POLR2L: variants seen among roughly 807,000 people sequenced by gnomAD.
POLR2L encodes RNA polymerase II, I and III subunit L.
POLR2L carries 7 observed loss-of-function variants against 6.8 expected under a neutral mutation model. The ratio of observed to expected loss-of-function variants is 1.03; its 90% CI spans 0.59 to 1.94. The LOEUF is 1.94. Among genes scored for constraint, POLR2L ranks in the 30% most tolerant of loss-of-function variants. The pLI, the probability that POLR2L is intolerant of heterozygous loss-of-function variation, is 0.00. For synonymous variants in POLR2L, 59 were observed against 39.8 expected (o/e 1.48, Z -1.82); for missense variants, 93 against 86.7 (o/e 1.07, Z -0.29).
At chr11:841,806 G>T (rs1422500150) in intron 1 of POLR2L, among the ~76,000 whole-genome samples, 3 of 152,194 alleles carry the variant, frequency 2.0e-5, no homozygotes, top group Admixed American at 2.0e-4. Flanking sequence ...GGCTGAGACA[G>T]GAGAATTGCT....
At chr11:842,529 TGCCCG>T (rs569042241), upstream of POLR2L, 10 of 1,552,350 alleles carry the variant, frequency 6.4e-6, no homozygotes, top group Admixed American at 3.8e-5. Context: ...CGTCCCAGAC[TGCCCG>T]GCCCGGCCCG....
chr11:840,602 A>G (rs1846939520), intron 1 of POLR2L, 122 bp from the exon 2 acceptor site: 3 of 676,444 alleles, frequency 4.4e-6, no homozygotes, highest in Non-Finnish European at 7.8e-6. Flanking sequence ...CGGCAAGGCG[A>G]ACAGATTCAC....
rs374045139 is a variant in POLR2L at position 842,434 on chromosome 11, C to A, written c.75G>T (p.Leu25=). 1.3e-6 allele frequency: 2 copies of A among 1,593,882 alleles called. No homozygotes were observed. The highest frequency in any genetic ancestry group is 2.4e-5 in the East Asian group (1 of 42,468). ...CTCACCCCTCGGTGTACTCGGCCTGCAGCAGCCCCAGGTAAGCCTCCCACT... is the reference window on the plus strand; with the variant it reads ...CTCACCCCTCGGTGTACTCGGCCTGAAGCAGCCCCAGGTAAGCCTCCCACT... ...GNKWEAYLGL[L]QAEYTEGDAL... Residue 25 remains leucine, a synonymous_variant, in exon 1 of 2, where the codon CTG becomes CTT. Transcript: ENST00000322028.
At chr11:842,288 A>C (rs996774701) in intron 1 of POLR2L, 126 bp downstream of exon 1, 1 of 546,764 alleles carries the variant, frequency 1.8e-6, no homozygotes, top group African/African-American at 2.0e-5. Context: ...GAAGCTGCTC[A>C]TGGGGCGCTG....
chr11:840,600 C>G lies in POLR2L; in HGVS notation c.96-120G>C, dbSNP rs901069748. The G allele has an allele frequency of 1.3e-5, 9 of 677,962 alleles. No individual in the cohort carries two copies. In the East Asian group the frequency reaches 2.2e-4, roughly 17 times the overall value. The allele number at this position is 677,962 out of a possible 1,614,324, so 42.0% of individuals were successfully genotyped here. A position where few individuals can be genotyped will look rare whatever the true frequency, so the allele number is the denominator to read the frequency against. On this transcript the variant is annotated intron_variant, in intron 1 of 1. Transcript: ENST00000322028. The stretch of plus-strand genomic sequence containing the variant: ...CTCACCCCCCCCGCCACCGGCAAGG[C>G]GAACAGATTCACCCGGCTCAGAAGC...
chr11:841,899 A>G lies in POLR2L; in HGVS notation c.95+515T>C, dbSNP rs555919729. ...GGGCGACGGAGCGAGACTCCGTCTC[A>G]AAAAAGAAAAATAAAATAAAATAAA... is the stretch of plus-strand genomic sequence containing the variant. On this transcript the variant is annotated intron_variant, in intron 1 of 1. Coordinates refer to ENST00000322028, the MANE Select transcript of POLR2L (RefSeq NM_021128.5). Among the ~76,000 whole-genome samples, 11 of 152,310 alleles carry G rather than the reference A, an allele frequency of 7.2e-5. No individual in the cohort carries two copies. The South Asian group carries it at 2.3e-3, about 32-fold the overall frequency.
At chr11:842,243 G>A (rs760623795) in intron 1 of POLR2L, among the ~76,000 whole-genome samples, 171 bp downstream of exon 1, 22 of 152,250 alleles carry the variant, frequency 1.4e-4, no homozygotes, top group Non-Finnish European at 1.0e-4. Context: ...TCTCCCGAAA[G>A]CAGATCACAG....
At chr11:841,336 G>A (rs1846960160) in intron 1 of POLR2L, among the ~76,000 whole-genome samples, 1 of 152,212 alleles carries the variant, frequency 6.6e-6, no homozygotes, top group African/African-American at 2.4e-5. Flanking sequence ...CTCAGGCACC[G>A]TGGTGACAGC....
rs1262623964 is a variant in POLR2L, at chr11:840,259, C to T, written c.*113G>A. 5.7e-6 allele frequency: 4 copies of T among 698,598 alleles called. No homozygotes were observed. Among genetic ancestry groups the T allele is most frequent in the Admixed American group, 2.2e-5 (1 of 45,398 alleles). The allele number at this position is 698,598 out of a possible 1,614,324, so 43.3% of individuals were successfully genotyped here. On this transcript the variant is annotated 3_prime_UTR_variant, in exon 2 of 2. Transcript: ENST00000322028. ...CTTCCAGAGTGGGGTATCGGATACACACACACTGCGGCCAGGCATTACGCC... is the reference window on the plus strand; with the variant it reads ...CTTCCAGAGTGGGGTATCGGATACATACACACTGCGGCCAGGCATTACGCC...
rs1479425135 is a variant in POLR2L, at chr11:842,523, C to T, written c.-15G>A. On this transcript the variant is annotated 5_prime_UTR_variant, in exon 1 of 2. Coordinates refer to ENST00000322028, the MANE Select transcript of POLR2L (RefSeq NM_021128.5). ...GGGATGATCATGGCGGCGGCGCGTC[C>T]CAGACTGCCCGGCCCGGCCCGGCCG... The T allele has an allele frequency of 1.9e-6, 3 of 1,564,570 alleles. No homozygotes were observed. Among genetic ancestry groups the T allele is most frequent in the Admixed American group, 3.7e-5 (2 of 54,138 alleles).
intron 1 of POLR2L, among the ~76,000 whole-genome samples, chr11:842,094 G>A (rs541016863): frequency 1.5e-5 from 2 of 129,672 alleles, no homozygotes; most frequent in South Asian, 3.0e-4. Context: ...TGGGGGCAGA[G>A]ATGGGAATAG....
Position 842,428 on chromosome 11 carries a change from G to A in POLR2L, c.81C>T (p.Ala27=). The A allele has an allele frequency of 1.3e-6, 2 of 1,589,674 alleles. No homozygotes were observed. The highest frequency in any genetic ancestry group is 1.7e-6 in the Non-Finnish European group (2 of 1,170,382). Residue 27 remains alanine, a synonymous_variant, in exon 1 of 2, where the codon GCC becomes GCT. Coordinates refer to ENST00000322028, the MANE Select transcript of POLR2L (RefSeq NM_021128.5). ...KWEAYLGLLQ[A]EYTEGDALDA... is the part of the protein sequence containing the mutation. ...CCGCGCCTCACCCCTCGGTGTACTC[G>A]GCCTGCAGCAGCCCCAGGTAAGCCT...
At position 840,456 on chromosome 11, in the gene POLR2L, C is replaced by T; in HGVS notation, c.120G>A (p.Leu40=). 1 of 1,611,546 alleles carries T rather than the reference C, an allele frequency of 6.2e-7. No homozygotes were observed. Among genetic ancestry groups the T allele is most frequent in the Non-Finnish European group, 8.5e-7 (1 of 1,179,470 alleles). Residue 40 remains leucine, a synonymous_variant, in exon 2 of 2, where the codon CTG becomes CTA. Coordinates refer to ENST00000322028, the MANE Select transcript of POLR2L (RefSeq NM_021128.5). ...TEGDALDALG[L]KRYCCRRMLL... is the part of the protein sequence containing the mutation. ...GCATCCGGCGGCAGCAGTAGCGCTT[C>T]AGGCCCAGGGCATCCAGCGCATCCC...
chr11:842,400 G>A lies in POLR2L; in HGVS notation c.95+14C>T, dbSNP rs770315004. 3.2e-6 allele frequency: 5 copies of A among 1,562,592 alleles called. No homozygotes were observed. The highest frequency in any genetic ancestry group is 1.4e-5 in the African/African-American group (1 of 70,378). On this transcript the variant is annotated intron_variant, in intron 1 of 1. Transcript: ENST00000322028. The stretch of plus-strand genomic sequence containing the variant: ...CACGGCGGACTCAGCCCCTAGCCCC[G>A]GCCCGCGCCTCACCCCTCGGTGTAC...
rs1423286143 is a variant in POLR2L, at chr11:840,315, G to A, written c.*57C>T. On this transcript the variant is annotated 3_prime_UTR_variant, in exon 2 of 2. Transcript: ENST00000322028. ...CCGGATGCCTCAGCCTCGTGAATTC[G>A]GGGCAGGACGCTCAGGGCCCATGGT... The A allele has an allele frequency of 2.4e-5, 27 of 1,130,376 alleles. No individual in the cohort carries two copies. The highest frequency in any genetic ancestry group is 7.4e-5 in the East Asian group (3 of 40,520). 70.0% of individuals were successfully genotyped at this position (1,130,376 alleles called of 1,614,324 possible). A position where few individuals can be genotyped will look rare whatever the true frequency, so the allele number is the denominator to read the frequency against.
rs1565121216 is a variant in POLR2L at position 840,483 on chromosome 11, G to GT, written c.96-4dup. The GT allele has an allele frequency of 6.3e-7, 1 of 1,597,540 alleles. No individual in the cohort carries two copies. The highest frequency in any genetic ancestry group is 8.6e-7 in the Non-Finnish European group (1 of 1,168,586). ...GGCCCAGGGCATCCAGCGCATCCCT[G>GT]TGTCGAGGGGAGGAGCAGAGGCCAA... is the stretch of plus-strand genomic sequence containing the variant. On this transcript the variant is annotated splice_polypyrimidine_tract_variant and splice_region_variant and intron_variant, in intron 1 of 1. Transcript: ENST00000322028.
rs1423838343 is a variant in POLR2L at position 842,479 on chromosome 11, A to G, written c.30T>C (p.Cys10=). 4 of 1,596,032 alleles carry G rather than the reference A, an allele frequency of 2.5e-6. No individual in the cohort carries two copies. In the African/African-American group the frequency reaches 5.5e-5, roughly 22 times the overall value. ...CCCACTTGTTGCCGACGATCTTGCC[A>G]CAAGTGAAGCAGCGTACAGGGATGA... MIIPVRCFT[C]GKIVGNKWEA... is the part of the protein sequence containing the mutation. The change falls in exon 1 of 2, where the codon TGT becomes TGC. Residue 10 remains cysteine (C), a synonymous_variant. Transcript: ENST00000322028.
intron 1 of POLR2L, among the ~76,000 whole-genome samples, chr11:841,072 C>T (rs1846952392): frequency 6.6e-6 from 1 of 152,214 alleles, no homozygotes; most frequent in Non-Finnish European, 1.5e-5. Context: ...AAAACTCCCA[C>T]ACCGATGGCT....
At chr11:841,958 G>A (rs1846981511) in intron 1 of POLR2L, among the ~76,000 whole-genome samples, 1 of 152,220 alleles carries the variant, frequency 6.6e-6, no homozygotes, top group Non-Finnish European at 1.5e-5. Context: ...AGGTTGTCCA[G>A]GCTGGTCTCG....
Sources: gnomAD v4.1 joint callset for allele counts (sites outside exome capture counted in the v4.1 genomes callset) on GRCh38, gnomAD v4.1.1 for gene constraint, MANE v1.5 for transcripts, NCBI Gene and HGNC (gene_info 2026-07-23, HGNC 2026-07-21) for gene names.